The following TSGA10 variants were observed in gnomAD, a reference collection of about 807,000 sequenced individuals.
The protein encoded by TSGA10 is testis specific 10.
Under a neutral mutation model 96.6 loss-of-function variants are expected in TSGA10, and 43 were observed. That is an observed-to-expected ratio of 0.44 (90% CI 0.35 to 0.57). The LOEUF (loss-of-function observed/expected upper bound fraction) is 0.57. Among genes scored for constraint, TSGA10 ranks in the 20% least tolerant of loss-of-function variants. The pLI is 0.01. For missense variants in TSGA10, 703 were observed against 834.4 expected, an observed-to-expected ratio of 0.84 and a Z score of 1.94; for synonymous variants, 229 against 269.9, an observed-to-expected ratio of 0.85 and a Z score of 1.48.
In TSGA10 at chr2:99,118,589, G is replaced by T. The variant is rs11688004; in HGVS notation, c.-394C>A. On this transcript the variant is annotated 5_prime_UTR_variant, in exon 3 of 21. Transcript: ENST00000393483. The stretch of plus-strand genomic sequence containing the variant: ...ATATCAAATCAATCAAGTATTTGCT[G>T]CCTAATGTGGAGGAACACAGCTTTC... 589,994 of 978,320 alleles carry T rather than the reference G, an allele frequency of 0.6. 181,410 individuals carry two copies. Among genetic ancestry groups the T allele is most frequent in the East Asian group, 0.66 (5,806 of 8,736 alleles). The allele number at this position is 978,320 out of a possible 1,614,324, so 60.6% of individuals were successfully genotyped here. A position where few individuals can be genotyped will look rare whatever the true frequency, so the allele number is the denominator to read the frequency against.
chr2:99,110,748 T>C, intron 5 of TSGA10, 102 bp downstream of exon 5: 1 of 227,648 alleles, frequency 4.4e-6, no homozygotes, highest in Non-Finnish European at 7.3e-6. Flanking sequence ...AAACATATTT[T>C]ATTCCTCACA....
intron 1 of TSGA10, chr2:99,147,417 G>A: frequency 6.4e-7 from 1 of 1,572,776 alleles, no homozygotes; most frequent in Non-Finnish European, 8.7e-7. Context: ...TTCTTGAATG[G>A]CAACCTAAAT....
chr2:99,046,750 C>CA, intron 16 of TSGA10, among the ~76,000 whole-genome samples: 1 of 152,068 alleles, frequency 6.6e-6, no homozygotes, highest in Middle Eastern at 3.4e-3. Context: ...TATAGAGACA[C>CA]AAAAAACCCT....
chr2:99,128,593 G>A (rs1314524790), intron 1 of TSGA10, among the ~76,000 whole-genome samples: 1 of 152,216 alleles, frequency 6.6e-6, no homozygotes, highest in Non-Finnish European at 1.5e-5. Context: ...GGTTGGTACA[G>A]AGACCACATG....
rs571559975 is a variant in TSGA10, at chr2:99,044,386, A to G, written c.1405-8947T>C. Reference sequence around the variant, plus strand: ...AAAAAAAATCAGGAGTTGCAATTTTAATCTCTGATAAAACAGACTTTAAAC... The same window carrying G: ...AAAAAAAATCAGGAGTTGCAATTTTGATCTCTGATAAAACAGACTTTAAAC... On this transcript the variant is annotated intron_variant, in intron 16 of 20. Transcript: ENST00000393483. Among the ~76,000 whole-genome samples, 4 of 151,206 alleles carry G rather than the reference A, an allele frequency of 2.6e-5. No homozygotes were observed. The South Asian group carries it at 8.3e-4, about 32-fold the overall frequency.
At chr2:98,999,488 C>T (rs2077710160) in intron 20 of TSGA10, among the ~76,000 whole-genome samples, 2 of 151,934 alleles carry the variant, frequency 1.3e-5, no homozygotes, top group Admixed American at 6.6e-5. Context: ...TCAAAGGACA[C>T]CATTTGAAAC....
intron 1 of TSGA10, among the ~76,000 whole-genome samples, chr2:99,139,820 T>C (rs767656007): frequency 8.5e-5 from 13 of 152,210 alleles, no homozygotes; most frequent in Non-Finnish European, 1.3e-4. Flanking sequence ...CATACAATGA[T>C]GTGAAACATT....
chr2:99,110,517 A>C (rs746235693), intron 5 of TSGA10, among the ~76,000 whole-genome samples: 14 of 152,238 alleles, frequency 9.2e-5, no homozygotes, highest in Non-Finnish European at 1.6e-4. Context: ...ATTTACTATT[A>C]AGGGGGATAA....
chr2:99,149,451 T>TC (rs2093666701), intron 1 of TSGA10, among the ~76,000 whole-genome samples: 1 of 150,858 alleles, frequency 6.6e-6, no homozygotes, highest in Admixed American at 6.6e-5. Flanking sequence ...TCTTTTTTTT[T>TC]TTTTTTTTTA....
chr2:99,126,623 TCAGGAG>T (rs1421075768), intron 2 of TSGA10: 1 of 155,340 alleles, frequency 6.4e-6, no homozygotes, highest in African/African-American at 2.4e-5. Context: ...ATGTCAAGCA[TCAGGAG>T]AACAGGAACA....
chr2:99,112,352 A>C (rs2091892133), intron 4 of TSGA10, among the ~76,000 whole-genome samples: 1 of 152,246 alleles, frequency 6.6e-6, no homozygotes, highest in Non-Finnish European at 1.5e-5. Flanking sequence ...TCACGTTCTA[A>C]GCACTTGAGT....
intron 20 of TSGA10, among the ~76,000 whole-genome samples, chr2:99,004,047 C>T (rs2078239098): frequency 6.6e-6 from 1 of 151,996 alleles, no homozygotes; most frequent in Non-Finnish European, 1.5e-5. Flanking sequence ...TGACACACCA[C>T]TAGCAAGACT....
intron 10 of TSGA10, among the ~76,000 whole-genome samples, chr2:99,096,442 T>A (rs1423474639): frequency 6.6e-6 from 1 of 152,258 alleles, no homozygotes; most frequent in Non-Finnish European, 1.5e-5. Flanking sequence ...GCCTTCATCC[T>A]TTTTGTCACA....
chr2:99,065,165 A>G (rs571701127), intron 15 of TSGA10, 41 bp from the exon 16 acceptor site: 2 of 1,580,548 alleles, frequency 1.3e-6, no homozygotes, highest in South Asian at 2.4e-5. Flanking sequence ...AATGCTGAAC[A>G]TATGATAAAA....
In TSGA10 at chr2:99,035,317, A is replaced by C; in HGVS notation, c.1527T>G (p.Ser509=). 4 of 1,613,278 alleles carry C rather than the reference A, an allele frequency of 2.5e-6. No individual in the cohort carries two copies. Among genetic ancestry groups the C allele is most frequent in the Non-Finnish European group, 2.5e-6 (3 of 1,179,490 alleles). The part of the protein sequence containing the change: ...FEKVSALADL[S]STRELCIKLD... ...GTTTAATACAGAGTTCCCTAGTAGA[A>C]GACAAATCTGCAAGAGCGGACACTT... Residue 509 remains serine (S), a synonymous_variant, in exon 17 of 21, where the codon TCT becomes TCG. Coordinates refer to ENST00000393483, the MANE Select transcript of TSGA10 (RefSeq NM_025244.4).
chr2:99,095,587 A>G (rs953039970), intron 10 of TSGA10, among the ~76,000 whole-genome samples: 4 of 152,174 alleles, frequency 2.6e-5, no homozygotes, highest in Admixed American at 6.5e-5. Flanking sequence ...AAAAGAAGAC[A>G]GAAGATACAA....
At chr2:99,111,067 G>A (rs2104857551) in intron 4 of TSGA10, among the ~76,000 whole-genome samples, 152 bp from the exon 5 acceptor site, 1 of 152,138 alleles carries the variant, frequency 6.6e-6, no homozygotes. Flanking sequence ...AGCAACCTTT[G>A]ATGATAAAAG....
At chr2:99,149,260 T>C (rs2093664119) in intron 1 of TSGA10, among the ~76,000 whole-genome samples, 1 of 151,770 alleles carries the variant, frequency 6.6e-6, no homozygotes, top group Admixed American at 6.6e-5. Flanking sequence ...CTTGGGTAGA[T>C]CACTCTTCTC....
At chr2:99,027,550 C>CA (rs918038719) in intron 17 of TSGA10, among the ~76,000 whole-genome samples, 2 of 151,924 alleles carry the variant, frequency 1.3e-5, no homozygotes, top group Non-Finnish European at 2.9e-5. Flanking sequence ...TGATATCATG[C>CA]AAAAAATAAG....
Sources: allele counts gnomAD v4.1 joint callset (sites outside exome capture counted in the v4.1 genomes callset), GRCh38; gene constraint gnomAD v4.1.1; transcripts MANE v1.5; gene names NCBI Gene and HGNC (gene_info 2026-07-23, HGNC 2026-07-21).